Variants in SVIL observed in about 807,000 individuals in gnomAD.
SVIL encodes the protein supervillin, also known as archvillin.
Under a neutral mutation model 240.4 loss-of-function variants are expected in SVIL, and 101 were observed. The observed-to-expected ratio is 0.42, with a 90% CI of 0.36 to 0.50. The LOEUF is 0.50. Among genes scored for constraint, SVIL ranks in the 20% least tolerant of loss-of-function variants. The pLI is 0.01. For synonymous variants in SVIL, 999 were observed against 1,100.0 expected (o/e 0.91, Z 1.82); for missense variants, 2,512 against 2,818.7 (o/e 0.89, Z 2.46).
intron 1 of SVIL, among the ~76,000 whole-genome samples, chr10:29,614,123 A>AT (rs202068234): frequency 8.5e-4 from 129 of 152,228 alleles, no homozygotes; most frequent in African/African-American, 1.3e-3. Context: ...TTTTAAAGCC[A>AT]TTTTTTTTAA....
intron 16 of SVIL, among the ~76,000 whole-genome samples, chr10:29,520,178 G>T (rs1950468883): frequency 6.6e-6 from 1 of 152,206 alleles, no homozygotes; most frequent in African/African-American, 2.4e-5. Flanking sequence ...AAAAGCCTTT[G>T]AAAGAAGGGG....
chr10:29,536,192 G>T, intron 6 of SVIL, 123 bp from the exon 7 acceptor site: 1 of 904,068 alleles, frequency 1.1e-6, no homozygotes, highest in South Asian at 1.6e-5. Flanking sequence ...CTTATAAGTG[G>T]GAGTTAAACA....
chr10:29,523,583 G>A lies in SVIL; in HGVS notation c.3031C>T (p.Leu1011Phe). ...GAAAATTCCTTCGGTTCATCCCCGA[G>A]GTGGGTGATGGGAGGGTTCGCCCGT... ...LERANPPITH[L>F]GDEPKEFSMA... The change falls in exon 15 of 38, where the codon CTC becomes TTC. Residue 1011 changes from leucine (L) to phenylalanine (F), a missense_variant. By Grantham distance (22) the Leu-to-Phe change is conservative. Around this residue, in one of 3 missense-constraint regions of SVIL, gnomAD observed 1,443 missense variants for 1,486.6 expected, o/e 0.97. Coordinates refer to ENST00000355867, the MANE Select transcript of SVIL (RefSeq NM_021738.3). 3 of 1,614,172 alleles carry A rather than the reference G, an allele frequency of 1.9e-6. No homozygotes were observed. The highest frequency in any genetic ancestry group is 2.5e-6 in the Non-Finnish European group (3 of 1,180,034).
chr10:29,561,309 A>G (rs74129724), intron 3 of SVIL, among the ~76,000 whole-genome samples: 8,216 of 152,274 alleles, frequency 0.054, 271 homozygotes, highest in Admixed American at 0.11. Context: ...ATTACAGATG[A>G]AGTTACCATT....
Position 29,551,234 on chromosome 10 carries a change from C to T in SVIL, c.190G>A (p.Asp64Asn). Reference protein sequence around the residue: ...GRSNEEEETSDSSLEKQTRSK... With the variant: ...GRSNEEEETSNSSLEKQTRSK... The stretch of plus-strand genomic sequence containing the variant: ...CGAGTTTGCTTTTCTAGAGAAGAAT[C>T]AGAAGTTTCCTCCTCTTCATTTGAT... Residue 64 changes from aspartate (D) to asparagine (N), a missense_variant, in exon 6 of 38, where the codon GAT (aspartate) becomes AAT (asparagine). By Grantham distance (23) the Asp-to-Asn change is conservative (BLOSUM62 1). Coordinates refer to ENST00000355867, the MANE Select transcript of SVIL (RefSeq NM_021738.3). The T allele has an allele frequency of 6.2e-7, 1 of 1,605,588 alleles. No homozygotes were observed. The highest frequency in any genetic ancestry group is 8.5e-7 in the Non-Finnish European group (1 of 1,175,982).
In SVIL at chr10:29,493,506, CG is replaced by C. The variant is rs1440531013; in HGVS notation, c.3842-116del. The stretch of plus-strand genomic sequence containing the variant: ...CTAAGTTCCAGGAGTGGAAGAAACA[CG>C]GTTGTGATATACAGGGTCCTGTGGT... On this transcript the variant is annotated intron_variant, in intron 20 of 37. Coordinates refer to ENST00000355867, the MANE Select transcript of SVIL (RefSeq NM_021738.3). The C allele has an allele frequency of 3.4e-6, 4 of 1,171,538 alleles. No homozygotes were observed. In the African/African-American group the frequency reaches 4.6e-5, roughly 14 times the overall value. 72.6% of individuals were successfully genotyped at this position (1,171,538 alleles called of 1,614,324 possible).
intron 32 of SVIL, among the ~76,000 whole-genome samples, chr10:29,468,476 T>C (rs181361090): frequency 6.6e-6 from 1 of 152,154 alleles, no homozygotes; most frequent in East Asian, 1.9e-4. Context: ...GCTAGTCATA[T>C]GGTAACTGTA....
At chr10:29,636,789 T>G (rs901350243), upstream of SVIL, among the ~76,000 whole-genome samples, 4 of 152,030 alleles carry the variant, frequency 2.6e-5, no homozygotes, top group Admixed American at 2.6e-4. Context: ...TTGCAAGGTT[T>G]TTTTGTTTTG....
chr10:29,714,729 G>C (rs1206246707), intron 1 of SVIL, among the ~76,000 whole-genome samples: 1 of 152,044 alleles, frequency 6.6e-6, no homozygotes, highest in East Asian at 1.9e-4. Flanking sequence ...GGATGCTGAG[G>C]TGGGAGGATC....
chr10:29,464,185 C>T (rs1373429867), intron 34 of SVIL, among the ~76,000 whole-genome samples: 1 of 152,110 alleles, frequency 6.6e-6, no homozygotes. Flanking sequence ...GCCTGTAATC[C>T]CAGTGCTTTG....
chr10:29,562,041 T>G (rs1438384692), intron 3 of SVIL, among the ~76,000 whole-genome samples: 1 of 152,054 alleles, frequency 6.6e-6, no homozygotes, highest in African/African-American at 2.4e-5. Flanking sequence ...TCAGTGGGAC[T>G]TTTTTTTACT....
chr10:29,673,574 T>C (rs1959954775), intron 2 of SVIL, among the ~76,000 whole-genome samples: 1 of 130,650 alleles, frequency 7.7e-6, no homozygotes, highest in Non-Finnish European at 1.6e-5. Context: ...TACATGGCAT[T>C]AGGGGGGAGA....
intron 1 of SVIL, among the ~76,000 whole-genome samples, chr10:29,622,593 A>T (rs1957704963): frequency 6.6e-6 from 1 of 152,196 alleles, no homozygotes; most frequent in Admixed American, 6.5e-5. Context: ...AATCATGCAC[A>T]TCACAGCCCT....
At chr10:29,673,160 C>T (rs571627074) in intron 2 of SVIL, among the ~76,000 whole-genome samples, 58 of 152,138 alleles carry the variant, frequency 3.8e-4, no homozygotes, top group Non-Finnish European at 7.9e-4. Flanking sequence ...GTGATTCACC[C>T]ACCTTGGCCT....
chr10:29,593,511 A>G (rs1171315129), intron 1 of SVIL, among the ~76,000 whole-genome samples: 1 of 152,212 alleles, frequency 6.6e-6, no homozygotes, highest in African/African-American at 2.4e-5. Flanking sequence ...CTTAGAAGCC[A>G]AAGATGGTCT....
chr10:29,696,067 TCA>T (rs1405073040), intron 1 of SVIL, among the ~76,000 whole-genome samples: 2 of 151,866 alleles, frequency 1.3e-5, no homozygotes, highest in African/African-American at 2.4e-5. Flanking sequence ...TTCTCCTGCC[TCA>T]GCCTGCCGAG....
intron 5 of SVIL, among the ~76,000 whole-genome samples, chr10:29,552,261 TA>T (rs1197561682): frequency 6.6e-6 from 1 of 152,088 alleles, no homozygotes; most frequent in Non-Finnish European, 1.5e-5. Flanking sequence ...CCGTATTCTA[TA>T]AAAATGTTTT....
At chr10:29,476,063 T>A (rs1446987208) in intron 29 of SVIL, among the ~76,000 whole-genome samples, 3 of 152,170 alleles carry the variant, frequency 2.0e-5, no homozygotes, top group Admixed American at 6.5e-5. Context: ...CTGGTTAAGT[T>A]TGGGTGTTTT....
At chr10:29,537,716 A>G (rs1209122727) in intron 6 of SVIL, among the ~76,000 whole-genome samples, 8 of 152,172 alleles carry the variant, frequency 5.3e-5, no homozygotes, top group African/African-American at 1.9e-4. Flanking sequence ...TTCTAAAATC[A>G]TTTTGGTTTG....
Sources: allele counts gnomAD v4.1 joint callset (sites outside exome capture counted in the v4.1 genomes callset), GRCh38; gene constraint gnomAD v4.1.1; regional missense constraint gnomAD v4.1.1; transcripts MANE v1.5; gene names NCBI Gene and HGNC (gene_info 2026-07-23, HGNC 2026-07-21).